The following ELP4 variants were observed in gnomAD, a reference collection of about 807,000 sequenced individuals.
ELP4 encodes the protein elongator acetyltransferase complex subunit 4, also known as elongator complex protein 4.
A neutral mutation model predicts 48.9 loss-of-function variants in ELP4; 51 were observed. The observed-to-expected ratio is 1.04, with a 90% CI of 0.83 to 1.32. ELP4 has a LOEUF of 1.32. Ranked by LOEUF, ELP4 falls within the 40% of genes most tolerant of loss-of-function variation. The probability of loss-of-function intolerance (pLI) is 0.00; values close to 1 mark genes in which losing one functional copy is unlikely to be tolerated. For missense variants in ELP4, 519 were observed against 514.6 expected, an observed-to-expected ratio of 1.01 and a Z score of -0.08; for synonymous variants, 210 against 189.2, an observed-to-expected ratio of 1.11 and a Z score of -0.90.
intron 4 of ELP4, among the ~76,000 whole-genome samples, chr11:31,601,421 A>G (rs971652923): frequency 2.0e-5 from 3 of 152,082 alleles, no homozygotes; most frequent in Admixed American, 6.6e-5. Flanking sequence ...TCTAATTTTA[A>G]TTTCTAAATA....
chr11:31,662,955 G>A (rs1465361304), intron 9 of ELP4: 1 of 171,636 alleles, frequency 5.8e-6, no homozygotes, highest in Non-Finnish European at 1.2e-5. Context: ...CTTTCTTAGG[G>A]GCACCTCATT....
chr11:31,623,571 A>G (rs973084267), intron 5 of ELP4, among the ~76,000 whole-genome samples: 1 of 150,184 alleles, frequency 6.7e-6, no homozygotes, highest in African/African-American at 2.4e-5. Context: ...GTTACCAAAT[A>G]GTTTATTTTT....
rs534224182 is a variant in ELP4, at chr11:31,590,402, G to A, written c.382-4368G>A. Among the ~76,000 whole-genome samples, 5 of 152,150 alleles carry A rather than the reference G, an allele frequency of 3.3e-5. No individual in the cohort carries two copies. In the South Asian group the frequency reaches 1.0e-3, roughly 32 times the overall value. ...AATATAAGAACCCCTACCTCACACA[G>A]TATATAAAAATTCACTTTCAATGTA... is the stretch of plus-strand genomic sequence containing the variant. On this transcript the variant is annotated intron_variant, in intron 3 of 9. Coordinates refer to ENST00000640961, the MANE Select transcript of ELP4 (RefSeq NM_019040.5).
chr11:31,642,941 G>A (rs951012667), intron 7 of ELP4, among the ~76,000 whole-genome samples: 1 of 151,618 alleles, frequency 6.6e-6, no homozygotes, highest in Non-Finnish European at 1.5e-5. Context: ...AAAAATAAAT[G>A]TCTTATTAAA....
chr11:31,538,128 G>A lies in ELP4; in HGVS notation c.260-1534G>A, dbSNP rs189143670. Among the ~76,000 whole-genome samples the A allele has an allele frequency of 1.0e-3, 155 of 151,614 alleles. 1 individual carries two copies. The highest frequency in any genetic ancestry group is 2.3e-3 in the South Asian group (11 of 4,810). On this transcript the variant is annotated intron_variant, in intron 2 of 9. Transcript: ENST00000640961. Reference sequence around the variant, plus strand: ...TGCAGGTGGGATTTCTAAAATTTCAGTTCCTATTTTTGTTACTATTATGTA... The same window carrying A: ...TGCAGGTGGGATTTCTAAAATTTCAATTCCTATTTTTGTTACTATTATGTA...
chr11:31,608,148 G>T (rs1378891402), intron 5 of ELP4, among the ~76,000 whole-genome samples: 1 of 151,970 alleles, frequency 6.6e-6, no homozygotes, highest in Non-Finnish European at 1.5e-5. Context: ...GAGCATATAT[G>T]ACAGTTTGAG....
chr11:31,710,966 A>G (rs1421803233), intron 9 of ELP4, among the ~76,000 whole-genome samples: 3 of 152,176 alleles, frequency 2.0e-5, no homozygotes, highest in African/African-American at 7.2e-5. Flanking sequence ...TTAGGAAACA[A>G]TTGTGACAGT....
At chr11:31,586,208 A>G (rs1957470390) in intron 3 of ELP4, among the ~76,000 whole-genome samples, 1 of 152,232 alleles carries the variant, frequency 6.6e-6, no homozygotes, top group African/African-American at 2.4e-5. Flanking sequence ...TAAATTGTTT[A>G]CTGCGTGAAG....
chr11:31,528,157 A>G (rs751802601), intron 2 of ELP4, among the ~76,000 whole-genome samples: 1 of 152,016 alleles, frequency 6.6e-6, no homozygotes, highest in Non-Finnish European at 1.5e-5. Context: ...GGCACTTACT[A>G]CACATTTTTT....
At chr11:31,736,237 A>G (rs1165091917) in intron 9 of ELP4, among the ~76,000 whole-genome samples, 7 of 152,220 alleles carry the variant, frequency 4.6e-5, no homozygotes, top group African/African-American at 7.2e-5. Flanking sequence ...AGGATTCCCT[A>G]TTTAATAAAT....
intron 9 of ELP4, among the ~76,000 whole-genome samples, chr11:31,740,931 C>T (rs1012437745): frequency 4.6e-5 from 7 of 152,240 alleles, no homozygotes; most frequent in Admixed American, 2.6e-4. Context: ...TGAGCCGAAG[C>T]AGGGCGAGGC....
intron 3 of ELP4, among the ~76,000 whole-genome samples, chr11:31,549,072 A>G (rs373384534): frequency 6.6e-6 from 1 of 152,052 alleles, no homozygotes; most frequent in Non-Finnish European, 1.5e-5. Context: ...GGACATAGGC[A>G]TGGGCAAGGA....
intron 9 of ELP4, among the ~76,000 whole-genome samples, chr11:31,694,065 CT>C (rs1156549442): frequency 1.3e-5 from 2 of 152,230 alleles, no homozygotes; most frequent in East Asian, 3.9e-4. Context: ...GATACTAGCC[CT>C]TTGTCAGATG....
In ELP4 at chr11:31,615,731, A is replaced by G. The variant is rs1592161233; in HGVS notation, c.654-11379A>G. Among the ~76,000 whole-genome samples, 3 of 152,148 alleles carry G rather than the reference A, an allele frequency of 2.0e-5. 1 individual carries two copies. In the East Asian group the frequency reaches 5.8e-4, roughly 29 times the overall value. ...CACACACAACTTAGCTCACTTTTCA[A>G]TGTGAGTTAAAAGATTTGATAACAT... On this transcript the variant is annotated intron_variant, in intron 5 of 9. Coordinates refer to ENST00000640961, the MANE Select transcript of ELP4 (RefSeq NM_019040.5).
intron 3 of ELP4, among the ~76,000 whole-genome samples, chr11:31,575,227 A>G (rs575770168): frequency 1.3e-5 from 2 of 152,346 alleles, no homozygotes; most frequent in East Asian, 1.9e-4. Context: ...AAGCGAGAAG[A>G]GAAGTTTAGA....
intron 9 of ELP4, among the ~76,000 whole-genome samples, chr11:31,717,444 G>C (rs1263740859): frequency 6.6e-6 from 1 of 152,062 alleles, no homozygotes; most frequent in African/African-American, 2.4e-5. Context: ...TAATAAAAAT[G>C]TGCAGATAGA....
chr11:31,662,550 G>A (rs1038847255), intron 9 of ELP4: 6 of 397,552 alleles, frequency 1.5e-5, no homozygotes, highest in South Asian at 2.5e-4. Flanking sequence ...GAGATCTTAC[G>A]ACCTGCGAAG....
chr11:31,515,954 CA>C (rs527502229), intron 1 of ELP4, among the ~76,000 whole-genome samples: 4 of 152,030 alleles, frequency 2.6e-5, no homozygotes, highest in Non-Finnish European at 4.4e-5. Flanking sequence ...ACTAAAAATA[CA>C]AAAAAATTTG....
At chr11:31,519,504 G>T (rs1043199599) in intron 1 of ELP4, among the ~76,000 whole-genome samples, 4 of 152,272 alleles carry the variant, frequency 2.6e-5, no homozygotes, top group African/African-American at 9.6e-5. Context: ...AAGAAAGGAG[G>T]ATAGTACAGT....
Sources: allele counts gnomAD v4.1 joint callset (sites outside exome capture counted in the v4.1 genomes callset), GRCh38; gene constraint gnomAD v4.1.1; transcripts MANE v1.5; gene names NCBI Gene and HGNC (gene_info 2026-07-23, HGNC 2026-07-21).